The following SAFB2 variants were observed in gnomAD, a reference collection of about 807,000 sequenced individuals.
SAFB2 encodes scaffold attachment factor B2.
SAFB2 carries 32 observed loss-of-function variants against 100.6 expected under a neutral mutation model. That is an observed-to-expected ratio of 0.32 (90% CI 0.24 to 0.43). The LOEUF (loss-of-function observed/expected upper bound fraction) is 0.43. Among genes scored for constraint, SAFB2 ranks in the 20% least tolerant of loss-of-function variants. The pLI is 1.00. For synonymous variants in SAFB2, 500 were observed against 439.4 expected (o/e 1.14, Z -1.72); for missense variants, 1,185 against 1,163.4 (o/e 1.02, Z -0.27).
At chr19:5,600,662 C>T (rs1188819919) in intron 11 of SAFB2, among the ~76,000 whole-genome samples, 1 of 152,116 alleles carries the variant, frequency 6.6e-6, no homozygotes, top group East Asian at 1.9e-4. Flanking sequence ...GCATTTCTTC[C>T]CAATACAGCC....
In SAFB2 at chr19:5,590,358, G is replaced by A; in HGVS notation, c.2445C>T (p.Gly815=). Reference sequence around the variant, plus strand: ...CCCCCCAGCCATCACGGGAGTCCCGGCCGTGGCGCTCTGGGGGTCCTCCGT... The same window carrying A: ...CCCCCCAGCCATCACGGGAGTCCCGACCGTGGCGCTCTGGGGGTCCTCCGT... ...HGHGGPPERH[G]RDSRDGWGGY... Residue 815 remains glycine (G), a synonymous_variant, in exon 18 of 21, where the codon GGC becomes GGT. Transcript: ENST00000252542. 6.2e-7 allele frequency: 1 copy of A among 1,611,736 alleles called. No individual in the cohort carries two copies. The highest frequency in any genetic ancestry group is 8.5e-7 in the Non-Finnish European group (1 of 1,179,296).
At chr19:5,607,120 G>C (rs940019551) in intron 9 of SAFB2, among the ~76,000 whole-genome samples, 1 of 152,130 alleles carries the variant, frequency 6.6e-6, no homozygotes, top group African/African-American at 2.4e-5. Flanking sequence ...AATTAGCCAG[G>C]CCTGGTGGCG....
intron 11 of SAFB2, among the ~76,000 whole-genome samples, chr19:5,604,144 C>G (rs530427028): frequency 6.6e-6 from 1 of 152,216 alleles, no homozygotes; most frequent in African/African-American, 2.4e-5. Context: ...GGCGTGGTGG[C>G]TCACACCTGT....
intron 18 of SAFB2, among the ~76,000 whole-genome samples, chr19:5,590,004 C>T (rs1208759966): frequency 1.3e-5 from 2 of 152,184 alleles, no homozygotes; most frequent in East Asian, 1.9e-4. Flanking sequence ...AGCCCATGAT[C>T]GAGACATTCA....
chr19:5,616,640 T>G (rs931410277), intron 2 of SAFB2, among the ~76,000 whole-genome samples, 154 bp from the exon 3 acceptor site: 12 of 141,914 alleles, frequency 8.5e-5, no homozygotes, highest in Non-Finnish European at 4.5e-5. Flanking sequence ...CTCAATTTGT[T>G]TTCTTTTTTT....
rs1486411473 is a variant in SAFB2 at position 5,611,562 on chromosome 19, C to T, written c.703G>A (p.Glu235Lys). The T allele has an allele frequency of 8.2e-6, 4 of 489,614 alleles. No individual in the cohort carries two copies. Among genetic ancestry groups the T allele is most frequent in the Admixed American group, 4.3e-5 (1 of 23,202 alleles). 30.3% of individuals were successfully genotyped at this position (489,614 alleles called of 1,614,324 possible). The change falls in exon 7 of 21, where the codon GAG (glutamate) becomes AAG (lysine). Residue 235 changes from glutamate (E) to lysine (K), a missense_variant. Glu to Lys is a moderately conservative substitution (Grantham distance 56). Coordinates refer to ENST00000252542, the MANE Select transcript of SAFB2 (RefSeq NM_014649.3). ...KSEPVKEESS[E>K]LEQPFAQDTS... The stretch of plus-strand genomic sequence containing the variant: ...TCCTGTGCAAATGGCTGCTCCAGCT[C>T]GGAACTTTCTTCTTTTACTGGCTCA...
At chr19:5,597,143 T>C (rs1360169414) in intron 13 of SAFB2, among the ~76,000 whole-genome samples, 1 of 152,130 alleles carries the variant, frequency 6.6e-6, no homozygotes, top group African/African-American at 2.4e-5. Context: ...CAGGCAACAG[T>C]GTCAGCACGG....
Position 5,622,759 on chromosome 19 carries a change from G to GGCA in SAFB2, c.-47_-45dup. ...GCCACCGACTCAGTCGCACACCGCC[G>GGCA]GCAGCTATAGCGGCTCTGAACACAA... On this transcript the variant is annotated 5_prime_UTR_variant, in exon 1 of 21. Coordinates refer to ENST00000252542, the MANE Select transcript of SAFB2 (RefSeq NM_014649.3). 9 of 1,559,216 alleles carry GGCA rather than the reference G, an allele frequency of 5.8e-6. No individual in the cohort carries two copies. The highest frequency in any genetic ancestry group is 7.8e-6 in the Non-Finnish European group (9 of 1,157,272).
chr19:5,593,307 GGTGATA>G (rs1438447847), intron 15 of SAFB2, among the ~76,000 whole-genome samples: 1 of 152,176 alleles, frequency 6.6e-6, no homozygotes, highest in Non-Finnish European at 1.5e-5. Flanking sequence ...AATTAGATGG[GGTGATA>G]GTGAACTACA....
rs376677397 is a variant in SAFB2 at position 5,590,348 on chromosome 19, G to A, written c.2455C>T (p.Arg819Cys). ...GPPERHGRDS[R>C]DGWGGYGSDK... ...GAGCCGTAGCCCCCCCAGCCATCAC[G>A]GGAGTCCCGGCCGTGGCGCTCTGGG... Residue 819 changes from arginine to cysteine, a missense_variant, in exon 18 of 21, where the codon CGT becomes TGT. This residue lies in a region of SAFB2 where 740 missense variants were observed against 687.1 expected (regional missense o/e 1.08). Transcript: ENST00000252542. The A allele has an allele frequency of 5.4e-5, 87 of 1,611,058 alleles. No homozygotes were observed. Among genetic ancestry groups the A allele is most frequent in the East Asian group, 3.8e-4 (17 of 44,734 alleles).
At chr19:5,621,694 G>A (rs897778444) in intron 1 of SAFB2, among the ~76,000 whole-genome samples, 21 of 152,236 alleles carry the variant, frequency 1.4e-4, no homozygotes, top group African/African-American at 5.1e-4. Flanking sequence ...CGACTTTAAA[G>A]TTATATGATG....
intron 12 of SAFB2, among the ~76,000 whole-genome samples, chr19:5,599,200 G>C (rs939714425): frequency 6.6e-6 from 1 of 152,078 alleles, no homozygotes; most frequent in Non-Finnish European, 1.5e-5. Flanking sequence ...AACCCACACA[G>C]CTCCGGAGCT....
At chr19:5,593,711 C>A (rs1309530464) in intron 15 of SAFB2, 180 bp downstream of exon 15, 4 of 622,984 alleles carry the variant, frequency 6.4e-6, no homozygotes, top group Non-Finnish European at 1.0e-5. Context: ...GTGAGGACAG[C>A]GAACTAATAA....
At chr19:5,590,177 C>T (rs1254578145) in intron 18 of SAFB2, 101 bp downstream of exon 18, 1 of 1,140,464 alleles carries the variant, frequency 8.8e-7, no homozygotes, top group Non-Finnish European at 1.2e-6. Flanking sequence ...TCCTAAAGCT[C>T]CCCTAGCTGA....
chr19:5,592,568 T>G (rs2052433629), intron 16 of SAFB2, among the ~76,000 whole-genome samples, 179 bp downstream of exon 16: 1 of 152,190 alleles, frequency 6.6e-6, no homozygotes, highest in Non-Finnish European at 1.5e-5. Flanking sequence ...TGAGGTAAGC[T>G]GGGGATTCCA....
Position 5,592,790 on chromosome 19 carries a change from C to T in SAFB2, c.2305G>A (p.Asp769Asn), listed in dbSNP as rs199693338. ...TGGTACTGGCCCCGGTCTCGATGATCGAAGTCGTGAAAGCGGTGGTCTGGC... is the reference window on the plus strand; with the variant it reads ...TGGTACTGGCCCCGGTCTCGATGATTGAAGTCGTGAAAGCGGTGGTCTGGC... ...PRPDHRFHDFDHRDRGQYQDH... is the reference protein window; with the variant it reads ...PRPDHRFHDFNHRDRGQYQDH... The change falls in exon 16 of 21, where the codon GAT (aspartate) becomes AAT (asparagine). Residue 769 changes from aspartate to asparagine, a missense_variant. Coordinates refer to ENST00000252542, the MANE Select transcript of SAFB2 (RefSeq NM_014649.3). 1.1e-5 allele frequency: 18 copies of T among 1,614,046 alleles called. No homozygotes were observed. The highest frequency in any genetic ancestry group is 1.4e-5 in the Non-Finnish European group (17 of 1,180,042).
chr19:5,587,330 G>A lies in SAFB2; in HGVS notation c.2775C>T (p.Gly925=), dbSNP rs778647998. Residue 925 remains glycine, a synonymous_variant, in exon 21 of 21, where the codon GGC becomes GGT. Transcript: ENST00000252542. The surrounding 1 kb of genome is among the most constrained non-coding windows in gnomAD (Gnocchi z 4.9). ...TGCCCCGGTCCTGGCTGGCCACTCC[G>A]CCACCTTCCAGTCCGCCACCTGGCA... is the stretch of plus-strand genomic sequence containing the variant. The part of the protein sequence containing the change: ...HVVPGGGLEG[G]GVASQDRGSR... The A allele has an allele frequency of 7.1e-5, 114 of 1,612,684 alleles. No homozygotes were observed. The highest frequency in any genetic ancestry group is 6.6e-4 in the Middle Eastern group (4 of 6,074).
intron 14 of SAFB2, 137 bp from the exon 15 acceptor site, chr19:5,594,315 C>T (rs1166639257): frequency 4.7e-6 from 5 of 1,056,988 alleles, no homozygotes; most frequent in Non-Finnish European, 6.5e-6. Flanking sequence ...CCTAAAGCTG[C>T]GCGTGCAGGG....
chr19:5,599,935 C>A (rs1014960056), intron 12 of SAFB2, among the ~76,000 whole-genome samples, 195 bp downstream of exon 12: 1 of 152,200 alleles, frequency 6.6e-6, no homozygotes, highest in African/African-American at 2.4e-5. Flanking sequence ...GTCCCAGGCA[C>A]TTCTGGATTC....
Sources: allele counts gnomAD v4.1 joint callset (sites outside exome capture counted in the v4.1 genomes callset), GRCh38; gene constraint gnomAD v4.1.1; regional missense constraint gnomAD v4.1.1; non-coding constraint Gnocchi (gnomAD v3.1); transcripts MANE v1.5; gene names NCBI Gene and HGNC (gene_info 2026-07-23, HGNC 2026-07-21).